Variants in ZBTB20 observed in about 807,000 individuals in gnomAD.
The protein encoded by ZBTB20 is zinc finger and BTB domain containing 20, also known as zinc finger and BTB domain-containing protein 20.
ZBTB20 carries 9 observed loss-of-function variants against 56.9 expected under a neutral mutation model. The ratio of observed to expected loss-of-function variants is 0.16; its 90% CI spans 0.10 to 0.28. ZBTB20 has a LOEUF of 0.28. ZBTB20 is among the 10% of genes least tolerant of loss of function. ZBTB20 has a pLI of 1.00. For synonymous variants in ZBTB20, 417 were observed against 420.7 expected, an observed-to-expected ratio of 0.99 and a Z score of 0.11; for missense variants, 655 against 1,003.0, an observed-to-expected ratio of 0.65 and a Z score of 4.69.
At chr3:115,125,562 G>T (rs2084307879) in intron 1 of ZBTB20, among the ~76,000 whole-genome samples, 1 of 152,142 alleles carries the variant, frequency 6.6e-6, no homozygotes, top group Non-Finnish European at 1.5e-5. Flanking sequence ...TGACTACCAG[G>T]AGATGGTGGG....
In ZBTB20 at chr3:114,403,609, A is replaced by T. The variant is rs571151020; in HGVS notation, c.-254-14504T>A. ...AATAAGGAGGCATACATGTTGATCT[A>T]GTGAGCGTCTCCATATTTGTACAAC... On this transcript the variant is annotated intron_variant, in intron 7 of 11. Transcript: ENST00000675478. Among the ~76,000 whole-genome samples the T allele has an allele frequency of 6.6e-5, 10 of 152,110 alleles. No homozygotes were observed. In the East Asian group the frequency reaches 1.9e-3, roughly 29 times the overall value.
chr3:114,396,920 C>T (rs1429169134), intron 7 of ZBTB20, among the ~76,000 whole-genome samples: 2 of 152,118 alleles, frequency 1.3e-5, no homozygotes, highest in Admixed American at 6.5e-5. Flanking sequence ...TGAGGCCTCA[C>T]ATTTGACATC....
At chr3:114,844,551 A>AAAAAAAAAG in intron 4 of ZBTB20, among the ~76,000 whole-genome samples, 1 of 141,674 alleles carries the variant, frequency 7.1e-6, no homozygotes, top group Non-Finnish European at 1.5e-5. Context: ...AAAAAAAAAA[A>AAAAAAAAAG]ACTTTCATTT....
intron 6 of ZBTB20, among the ~76,000 whole-genome samples, chr3:114,641,906 G>T (rs2059583016): frequency 6.6e-6 from 1 of 151,870 alleles, no homozygotes; most frequent in African/African-American, 2.4e-5. Context: ...TTAAAACTTT[G>T]AAGTAATTAT....
chr3:114,495,022 ACTTTCTAGCCTGCAAGGCT>A (rs2043127192), intron 7 of ZBTB20, among the ~76,000 whole-genome samples: 1 of 152,182 alleles, frequency 6.6e-6, no homozygotes, highest in Non-Finnish European at 1.5e-5. Context: ...TTTACATGAA[ACTTTCTAGCCTGCAAGGCT>A]CTTTCATGAA....
intron 2 of ZBTB20, among the ~76,000 whole-genome samples, chr3:115,029,346 G>A (rs1014994021): frequency 8.6e-5 from 13 of 150,520 alleles, no homozygotes; most frequent in Admixed American, 5.3e-4. Context: ...TGAAGGGGGG[G>A]GGCAGTGGTA....
chr3:114,784,357 G>A (rs1309753399), intron 5 of ZBTB20, among the ~76,000 whole-genome samples: 2 of 152,184 alleles, frequency 1.3e-5, no homozygotes, highest in Admixed American at 6.5e-5. Context: ...GGCAAGTAAT[G>A]TTTTGTGTGA....
chr3:115,066,588 C>G (rs1165554295), intron 2 of ZBTB20, among the ~76,000 whole-genome samples: 1 of 152,114 alleles, frequency 6.6e-6, no homozygotes, highest in East Asian at 1.9e-4. Flanking sequence ...AGTGCTTTTT[C>G]TCAATAGAAC....
intron 5 of ZBTB20, among the ~76,000 whole-genome samples, chr3:114,739,969 A>T (rs1362756538): frequency 1.3e-5 from 2 of 152,204 alleles, no homozygotes; most frequent in African/African-American, 4.8e-5. Context: ...GGAAAAGCCT[A>T]ATTTTACAAA....
intron 1 of ZBTB20, among the ~76,000 whole-genome samples, chr3:115,077,510 C>A (rs531869170): frequency 6.6e-6 from 1 of 152,186 alleles, no homozygotes; most frequent in East Asian, 1.9e-4. Context: ...TCCAGAACTA[C>A]GAGTAATAAA....
intron 2 of ZBTB20, among the ~76,000 whole-genome samples, chr3:115,033,744 GA>G (rs1206532950): frequency 6.6e-6 from 1 of 151,554 alleles, no homozygotes; most frequent in East Asian, 1.9e-4. Flanking sequence ...CTCCCTGATT[GA>G]TTACATGAGG....
chr3:114,338,819 AAATGT>A lies in ZBTB20; in HGVS notation c.*181_*185del, dbSNP rs1270256206. 1 of 604,212 alleles carries A rather than the reference AAATGT, an allele frequency of 1.7e-6. No individual in the cohort carries two copies. The highest frequency in any genetic ancestry group is 1.9e-5 in the African/African-American group (1 of 53,578). 37.4% of individuals were successfully genotyped at this position (604,212 alleles called of 1,614,324 possible). ...AACTATTATTCACCCAAGCCTCCGG[AAATGT>A]AATGTACCAGCAGGCAAAAAACAGT... On this transcript the variant is annotated 3_prime_UTR_variant, in exon 12 of 12. Transcript: ENST00000675478.
At chr3:115,142,703 A>C (rs2084850109) in intron 1 of ZBTB20, among the ~76,000 whole-genome samples, 1 of 151,980 alleles carries the variant, frequency 6.6e-6, no homozygotes, top group Admixed American at 6.6e-5. Context: ...GTATTCCATT[A>C]GTTATAAAGT....
chr3:114,771,677 C>T (rs1394252176), intron 5 of ZBTB20, among the ~76,000 whole-genome samples: 1 of 152,106 alleles, frequency 6.6e-6, no homozygotes, highest in East Asian at 1.9e-4. Flanking sequence ...CCTTCCATCC[C>T]AAATACCAGA....
intron 1 of ZBTB20, among the ~76,000 whole-genome samples, chr3:115,142,482 G>A (rs1470774963): frequency 1.3e-5 from 2 of 152,032 alleles, no homozygotes; most frequent in Non-Finnish European, 2.9e-5. Flanking sequence ...CCAACATGGT[G>A]AAACCCTGTC....
chr3:114,755,598 C>T (rs1328539986), intron 5 of ZBTB20, among the ~76,000 whole-genome samples: 1 of 151,144 alleles, frequency 6.6e-6, no homozygotes, highest in Non-Finnish European at 1.5e-5. Flanking sequence ...TTTTTAAATT[C>T]CCCCCTTAAC....
At chr3:114,924,802 T>G (rs1367078096) in intron 3 of ZBTB20, among the ~76,000 whole-genome samples, 1 of 152,066 alleles carries the variant, frequency 6.6e-6, no homozygotes, top group Non-Finnish European at 1.5e-5. Flanking sequence ...TTTGAGATAC[T>G]GCTTATTTTT....
chr3:114,393,146 CA>C (rs1320224261), intron 7 of ZBTB20, among the ~76,000 whole-genome samples: 1 of 152,244 alleles, frequency 6.6e-6, no homozygotes, highest in Admixed American at 6.5e-5. Flanking sequence ...AGCAGCCACA[CA>C]AACAGCAAAA....
intron 4 of ZBTB20, among the ~76,000 whole-genome samples, chr3:114,809,966 C>G (rs142187307): frequency 6.6e-6 from 1 of 152,074 alleles, no homozygotes; most frequent in African/African-American, 2.4e-5. Flanking sequence ...TTTCCATTTT[C>G]GTTTTTGAGC....
Sources: allele counts gnomAD v4.1 joint callset (sites outside exome capture counted in the v4.1 genomes callset), GRCh38; gene constraint gnomAD v4.1.1; transcripts MANE v1.5; gene names NCBI Gene and HGNC (gene_info 2026-07-23, HGNC 2026-07-21).